Variants in SMG6 observed in about 807,000 individuals in gnomAD.
SMG6 encodes the protein telomerase-binding protein EST1A.
Under a neutral mutation model 142.2 loss-of-function variants are expected in SMG6, and 66 were observed. That is an observed-to-expected ratio of 0.46 (90% CI 0.38 to 0.57). The LOEUF (loss-of-function observed/expected upper bound fraction) is 0.57, where lower values mean the gene tolerates loss of function less well. Among genes scored for constraint, SMG6 ranks in the 20% least tolerant of loss-of-function variants. The probability of loss-of-function intolerance (pLI) is 0.00; values close to 1 mark genes in which losing one functional copy is unlikely to be tolerated. For synonymous variants in SMG6, 779 were observed against 702.4 expected (o/e 1.11, Z -1.72); for missense variants, 1,793 against 1,832.0 (o/e 0.98, Z 0.39).
chr17:2,123,400 G>A (rs762319979), intron 13 of SMG6, among the ~76,000 whole-genome samples: 1 of 152,322 alleles, frequency 6.6e-6, no homozygotes, highest in South Asian at 2.1e-4. Flanking sequence ...GCAGTACGAC[G>A]GAAAGAGGCA....
chr17:2,189,500 C>T (rs75012911), intron 10 of SMG6, among the ~76,000 whole-genome samples: 19 of 152,306 alleles, frequency 1.2e-4, no homozygotes, highest in African/African-American at 4.3e-4. Context: ...GGCTCACTAG[C>T]TCTGGCAGCA....
rs2151373415 is a variant in SMG6 at position 2,060,223 on chromosome 17, T to G, written c.*1269A>C. The G allele has an allele frequency of 6.6e-6, 1 of 152,500 alleles. No individual in the cohort carries two copies. Among genetic ancestry groups the G allele is most frequent in the East Asian group, 1.9e-4 (1 of 5,180 alleles). 9.4% of individuals were successfully genotyped at this position (152,500 alleles called of 1,614,324 possible). On this transcript the variant is annotated 3_prime_UTR_variant, in exon 19 of 19. Coordinates refer to ENST00000263073, the MANE Select transcript of SMG6 (RefSeq NM_017575.5). Reference sequence around the variant, plus strand: ...CTCCACCGAAAACCCCGTCTTCCCCTAAGTTGTCCTTGTCTCTGGCCCTGG... The same window carrying G: ...CTCCACCGAAAACCCCGTCTTCCCCGAAGTTGTCCTTGTCTCTGGCCCTGG...
At chr17:2,110,482 C>T (rs1049905170) in intron 13 of SMG6, among the ~76,000 whole-genome samples, 1 of 152,112 alleles carries the variant, frequency 6.6e-6, no homozygotes, top group African/African-American at 2.4e-5. Context: ...CACGCACACG[C>T]ACACACACGG....
intron 13 of SMG6, among the ~76,000 whole-genome samples, chr17:2,097,567 C>T (rs977410050): frequency 6.6e-6 from 1 of 152,162 alleles, no homozygotes; most frequent in Non-Finnish European, 1.5e-5. Context: ...TTTCTAATTG[C>T]TAGAAATGTT....
At chr17:2,125,821 C>T (rs146212839) in intron 13 of SMG6, among the ~76,000 whole-genome samples, 1,569 of 152,064 alleles carry the variant, frequency 0.01, 30 homozygotes, top group African/African-American at 0.034. Flanking sequence ...GGTGTGGTGG[C>T]GCATGCCTGT....
intron 8 of SMG6, chr17:2,280,683 T>C (rs905422068): frequency 6.0e-6 from 4 of 669,198 alleles, no homozygotes; most frequent in Non-Finnish European, 7.4e-6. Flanking sequence ...ACTAAAAATA[T>C]ATAGTTTCAT....
intron 13 of SMG6, among the ~76,000 whole-genome samples, chr17:2,115,624 C>T (rs779186363): frequency 4.1e-4 from 62 of 152,168 alleles, no homozygotes; most frequent in Non-Finnish European, 6.9e-4. Flanking sequence ...GAACCACAGA[C>T]CCAAGTGTGA....
intron 9 of SMG6, among the ~76,000 whole-genome samples, chr17:2,242,839 T>A (rs2073843736): frequency 1.3e-5 from 2 of 152,176 alleles, no homozygotes; most frequent in South Asian, 4.1e-4. Flanking sequence ...TTCAACCTTG[T>A]AACTACAGCC....
intron 10 of SMG6, among the ~76,000 whole-genome samples, chr17:2,234,667 T>C (rs1173623100): frequency 6.6e-6 from 1 of 152,092 alleles, no homozygotes; most frequent in Non-Finnish European, 1.5e-5. Flanking sequence ...TAGAAGCTGC[T>C]GAAAACAGAT....
At chr17:2,161,381 A>G (rs1013765211) in intron 13 of SMG6, among the ~76,000 whole-genome samples, 1 of 151,694 alleles carries the variant, frequency 6.6e-6, no homozygotes, top group South Asian at 2.1e-4. Flanking sequence ...CTAGGATTAC[A>G]GGCATGAGCC....
In SMG6 at chr17:2,071,523, T is replaced by G. The variant is rs558001150; in HGVS notation, c.3682-2592A>C. ...AGGCCGCAGCCTTTCAGAGGGGGCTTCCCTGGGTGTGGGGTGGGGCCAAGC... is the reference window on the plus strand; with the variant it reads ...AGGCCGCAGCCTTTCAGAGGGGGCTGCCCTGGGTGTGGGGTGGGGCCAAGC... On this transcript the variant is annotated intron_variant, in intron 15 of 18. Transcript: ENST00000263073. This position sits in a 1 kb window ranked among gnomAD's most constrained non-coding sequence, Gnocchi z 5.6. Among the ~76,000 whole-genome samples the G allele has an allele frequency of 1.6e-3, 241 of 152,306 alleles. No homozygotes were observed. The highest frequency in any genetic ancestry group is 5.6e-3 in the African/African-American group (233 of 41,560).
chr17:2,188,771 G>A (rs564329941), intron 10 of SMG6, among the ~76,000 whole-genome samples: 14 of 152,292 alleles, frequency 9.2e-5, no homozygotes, highest in African/African-American at 3.4e-4. Context: ...GTTACCTCAG[G>A]AAGGGCAGTC....
chr17:2,133,046 A>G (rs1448176880), intron 13 of SMG6, among the ~76,000 whole-genome samples: 1 of 152,154 alleles, frequency 6.6e-6, no homozygotes, highest in Non-Finnish European at 1.5e-5. Context: ...GGAGTTTGAG[A>G]CCAGCCTGGT....
intron 13 of SMG6, among the ~76,000 whole-genome samples, chr17:2,108,461 A>G (rs1231375517): frequency 6.6e-6 from 1 of 152,268 alleles, no homozygotes; most frequent in East Asian, 1.9e-4. Flanking sequence ...TACTAAAAAT[A>G]CAAAAATTAA....
chr17:2,279,722 A>G (rs1489936918), intron 8 of SMG6, among the ~76,000 whole-genome samples: 1 of 152,168 alleles, frequency 6.6e-6, no homozygotes, highest in East Asian at 1.9e-4. Context: ...GTGGGGACAG[A>G]GGAAAGGAAC....
At chr17:2,177,890 T>C (rs1359194162) in intron 12 of SMG6, among the ~76,000 whole-genome samples, 1 of 152,202 alleles carries the variant, frequency 6.6e-6, no homozygotes, top group Non-Finnish European at 1.5e-5. Context: ...AATATCTGCC[T>C]TTTCAAACGG....
intron 10 of SMG6, among the ~76,000 whole-genome samples, chr17:2,225,516 G>A (rs1333924271): frequency 6.6e-6 from 1 of 151,646 alleles, no homozygotes; most frequent in Non-Finnish European, 1.5e-5. Context: ...AAATATAGGT[G>A]CGTTTGAACA....
At chr17:2,124,483 T>G (rs2069807330) in intron 13 of SMG6, among the ~76,000 whole-genome samples, 1 of 152,330 alleles carries the variant, frequency 6.6e-6, no homozygotes, top group South Asian at 2.1e-4. Context: ...GGAGGGTTCC[T>G]CCGCAGAGAG....
At chr17:2,234,853 C>T (rs1168589437) in intron 10 of SMG6, among the ~76,000 whole-genome samples, 1 of 152,178 alleles carries the variant, frequency 6.6e-6, no homozygotes, top group African/African-American at 2.4e-5. Flanking sequence ...ATTACAGGTG[C>T]CCACCACCAA....
Sources: gnomAD v4.1 joint callset for allele counts (sites outside exome capture counted in the v4.1 genomes callset) on GRCh38, gnomAD v4.1.1 for gene constraint, Gnocchi (gnomAD v3.1) non-coding constraint, MANE v1.5 for transcripts, NCBI Gene and HGNC (gene_info 2026-07-23, HGNC 2026-07-21) for gene names.